Variants in DOCK4 observed in about 807,000 individuals in gnomAD.
The protein encoded by DOCK4 is dedicator of cytokinesis protein 4.
In DOCK4, 97 loss-of-function variants were observed where a neutral mutation model predicts 268.1. The observed-to-expected ratio is 0.36, with a 90% CI of 0.31 to 0.43. The LOEUF is 0.43. Among genes scored for constraint, DOCK4 ranks in the 20% least tolerant of loss-of-function variants. DOCK4 has a pLI of 1.00. For missense variants in DOCK4, 2,145 were observed against 2,455.7 expected (o/e 0.87, Z 2.67); for synonymous variants, 954 against 887.2 (o/e 1.08, Z -1.34).
At chr7:112,192,242 C>T (rs969144167) in intron 1 of DOCK4, among the ~76,000 whole-genome samples, 18 of 150,648 alleles carry the variant, frequency 1.2e-4, no homozygotes, top group Admixed American at 1.1e-3. Flanking sequence ...AGATACTTAA[C>T]ATCGGTCAGG....
At chr7:111,797,516 CAGAG>C (rs376066904) in intron 30 of DOCK4, among the ~76,000 whole-genome samples, 24 of 152,182 alleles carry the variant, frequency 1.6e-4, no homozygotes, top group African/African-American at 5.8e-4. Flanking sequence ...GTGCAAGCAA[CAGAG>C]AATTTCAGAG....
At chr7:112,135,377 T>C (rs1190216030) in intron 1 of DOCK4, among the ~76,000 whole-genome samples, 1 of 152,094 alleles carries the variant, frequency 6.6e-6, no homozygotes, top group Non-Finnish European at 1.5e-5. Context: ...CTCATTATAC[T>C]TCCCTGATGC....
chr7:111,987,742 A>G (rs569166642), intron 6 of DOCK4, among the ~76,000 whole-genome samples: 1 of 152,304 alleles, frequency 6.6e-6, no homozygotes, highest in African/African-American at 2.4e-5. Context: ...TGACATGAAG[A>G]GGGTTAAGGA....
At chr7:112,129,380 T>C (rs1467942893) in intron 1 of DOCK4, among the ~76,000 whole-genome samples, 1 of 152,126 alleles carries the variant, frequency 6.6e-6, no homozygotes, top group Non-Finnish European at 1.5e-5. Context: ...AGTGGAGGGA[T>C]GGGTACACCT....
intron 51 of DOCK4, 90 bp from the exon 52 acceptor site, chr7:111,732,377 G>C (rs1795164313): frequency 2.2e-6 from 3 of 1,371,382 alleles, no homozygotes; most frequent in Admixed American, 3.7e-5. Flanking sequence ...AACCCAAACA[G>C]ATGATCCAGT....
intron 1 of DOCK4, among the ~76,000 whole-genome samples, chr7:112,056,550 T>C (rs994517780): frequency 3.3e-5 from 5 of 152,182 alleles, no homozygotes; most frequent in African/African-American, 1.2e-4. Flanking sequence ...GGGGAATTCC[T>C]CCCAAGGGAA....
chr7:112,015,860 T>C (rs1801765551), intron 1 of DOCK4, among the ~76,000 whole-genome samples: 1 of 152,186 alleles, frequency 6.6e-6, no homozygotes, highest in Admixed American at 6.5e-5. Context: ...TGTCTTCACA[T>C]GGTGGAAGGA....
Position 111,728,698 on chromosome 7 carries a change from G to T in DOCK4, c.5504C>A (p.Pro1835His). The T allele has an allele frequency of 2.5e-6, 4 of 1,613,068 alleles. No individual in the cohort carries two copies. Among genetic ancestry groups the T allele is most frequent in the South Asian group, 1.1e-5 (1 of 90,938 alleles). The change falls in exon 53 of 53, where the codon CCC becomes CAC. Residue 1835 changes from proline to histidine, a missense_variant. Around this residue, in one of 2 missense-constraint regions of DOCK4, gnomAD observed 547 missense variants for 469.0 expected, o/e 1.17. Coordinates refer to ENST00000428084, the MANE Select transcript of DOCK4 (RefSeq NM_001363540.2). ...PLKGSVQSFT[P>H]SPVEYHSPGL... is the part of the protein sequence containing the mutation. ...TGGCGAGTGGTACTCCACTGGAGAG[G>T]GGGTGAAAGACTGCACAGAGCCCTG...
At chr7:112,104,727 G>C (rs151160486) in intron 1 of DOCK4, among the ~76,000 whole-genome samples, 1 of 152,130 alleles carries the variant, frequency 6.6e-6, no homozygotes, top group Admixed American at 6.5e-5. Context: ...TATAAAAAGC[G>C]TAAGGAAGAA....
In DOCK4 at chr7:112,065,325, T is replaced by C. The variant is rs116799728; in HGVS notation, c.38-61194A>G. ...TTTCCACACTTCCTTCAACTGGCTC[T>C]TTCTCAGCCTCCTAGTCCTGAGACT... On this transcript the variant is annotated intron_variant, in intron 1 of 52. Transcript: ENST00000428084. 3.5e-3 allele frequency among the ~76,000 whole-genome samples: 529 copies of C among 152,148 alleles called. 3 individuals carry two copies. The highest frequency in any genetic ancestry group is 0.012 in the African/African-American group (513 of 41,486).
chr7:112,020,320 C>A (rs1802204098), intron 1 of DOCK4, among the ~76,000 whole-genome samples: 1 of 152,198 alleles, frequency 6.6e-6, no homozygotes, highest in Admixed American at 6.5e-5. Context: ...AAGCTACTCA[C>A]TGTGCATCAA....
At chr7:112,032,182 G>C (rs1395589071) in intron 1 of DOCK4, among the ~76,000 whole-genome samples, 2 of 152,112 alleles carry the variant, frequency 1.3e-5, no homozygotes, top group Non-Finnish European at 2.9e-5. Context: ...TGGAGGAAAA[G>C]TATTTTGTTA....
chr7:112,133,287 G>A (rs932062759), intron 1 of DOCK4, among the ~76,000 whole-genome samples: 6 of 152,042 alleles, frequency 3.9e-5, no homozygotes, highest in Admixed American at 3.3e-4. Flanking sequence ...ATAGAGTCCA[G>A]GGCTGATCGA....
intron 8 of DOCK4, among the ~76,000 whole-genome samples, chr7:111,954,292 C>CCTCT (rs1796285634): frequency 6.6e-6 from 1 of 152,150 alleles, no homozygotes; most frequent in African/African-American, 2.4e-5. Flanking sequence ...ACCAGTGCTA[C>CCTCT]CTCTGTCCAG....
At chr7:111,785,646 T>A (rs945818722) in intron 32 of DOCK4, among the ~76,000 whole-genome samples, 11 of 152,182 alleles carry the variant, frequency 7.2e-5, no homozygotes, top group Non-Finnish European at 1.5e-4. Context: ...CTCTTGGGAA[T>A]CTTGCCATTT....
intron 16 of DOCK4, among the ~76,000 whole-genome samples, chr7:111,881,336 T>C (rs957368394): frequency 6.6e-6 from 1 of 152,324 alleles, no homozygotes; most frequent in Non-Finnish European, 1.5e-5. Context: ...TCAACATCAC[T>C]GATCATCAGA....
chr7:111,956,087 C>T (rs562484421), intron 8 of DOCK4, among the ~76,000 whole-genome samples: 2 of 152,228 alleles, frequency 1.3e-5, no homozygotes, highest in African/African-American at 4.8e-5. Context: ...AGGCAGAATG[C>T]GTTCTGCTTA....
chr7:111,815,027 A>G (rs1238795747), intron 27 of DOCK4, among the ~76,000 whole-genome samples: 1 of 152,272 alleles, frequency 6.6e-6, no homozygotes, highest in Non-Finnish European at 1.5e-5. Flanking sequence ...CAGTTCCTAT[A>G]GTATACATAA....
chr7:111,868,943 A>G, intron 21 of DOCK4, among the ~76,000 whole-genome samples: 1 of 152,202 alleles, frequency 6.6e-6, no homozygotes, highest in East Asian at 1.9e-4. Flanking sequence ...TACATTGTCT[A>G]CTTAAAGCTA....
Sources: allele counts gnomAD v4.1 joint callset (sites outside exome capture counted in the v4.1 genomes callset), GRCh38; gene constraint gnomAD v4.1.1; regional missense constraint gnomAD v4.1.1; transcripts MANE v1.5; gene names NCBI Gene and HGNC (gene_info 2026-07-23, HGNC 2026-07-21).